Variants in DNAL4 observed in about 807,000 individuals in gnomAD.
DNAL4 encodes the protein dynein axonemal light chain 4, also known as dynein light chain, outer arm 4.
A neutral mutation model predicts 12.6 loss-of-function variants in DNAL4; 10 were observed. That is an observed-to-expected ratio of 0.79 (90% confidence interval 0.49 to 1.34). DNAL4 has a LOEUF of 1.34. Among genes scored for constraint, DNAL4 ranks in the 40% most tolerant of loss-of-function variants. DNAL4 has a pLI of 0.00. For missense variants in DNAL4, 128 were observed against 138.1 expected, an observed-to-expected ratio of 0.93 and a Z score of 0.37; for synonymous variants, 46 against 53.1, an observed-to-expected ratio of 0.87 and a Z score of 0.58.
In DNAL4 at chr22:38,779,308, G is replaced by T; in HGVS notation, c.*141C>A. ...GATGTCAAGTTCACACACTGGGCGT[G>T]GCTCAGGAAACTGGTACACAAAGAC... is the stretch of plus-strand genomic sequence containing the variant. On this transcript the variant is annotated 3_prime_UTR_variant, in exon 4 of 4. Coordinates refer to ENST00000216068, the MANE Select transcript of DNAL4 (RefSeq NM_005740.3). This position sits in a 1 kb window ranked among gnomAD's most constrained non-coding sequence, Gnocchi z 4.3. 2 of 1,123,328 alleles carry T rather than the reference G, an allele frequency of 1.8e-6. No individual in the cohort carries two copies. The highest frequency in any genetic ancestry group is 2.4e-6 in the Non-Finnish European group (2 of 818,916). 69.6% of individuals were successfully genotyped at this position (1,123,328 alleles called of 1,614,324 possible). A position where few individuals can be genotyped will look rare whatever the true frequency, so the allele number is the denominator to read the frequency against.
At chr22:38,780,057 C>T (rs1474847527) in intron 3 of DNAL4, among the ~76,000 whole-genome samples, 1 of 152,180 alleles carries the variant, frequency 6.6e-6, no homozygotes, top group Non-Finnish European at 1.5e-5. Flanking sequence ...TCTGGGGAGG[C>T]GCCGACTACT....
In DNAL4 at chr22:38,780,978, T is replaced by C; in HGVS notation, c.101A>G (p.Glu34Gly). Residue 34 changes from glutamate (E) to glycine (G), a missense_variant, in exon 3 of 4, where the codon GAG (glutamate) becomes GGG (glycine). By Grantham distance (98) the Glu-to-Gly change is moderately conservative (BLOSUM62 -2). Coordinates refer to ENST00000216068, the MANE Select transcript of DNAL4 (RefSeq NM_005740.3). ...GGCTGTGACACATAGCTCCATGGTC[T>C]CCACGCGCATCTCCTCTGGCATGTC... ...HSDMPEEMRV[E>G]TMELCVTACE... 1 of 1,614,176 alleles carries C rather than the reference T, an allele frequency of 6.2e-7. No homozygotes were observed. Among genetic ancestry groups the C allele is most frequent in the Non-Finnish European group, 8.5e-7 (1 of 1,180,010 alleles).
intron 1 of DNAL4, among the ~76,000 whole-genome samples, chr22:38,793,728 G>A (rs566070763): frequency 6.6e-6 from 1 of 152,206 alleles, no homozygotes; most frequent in Non-Finnish European, 1.5e-5. Context: ...GACCCCGCGG[G>A]AGAGGGAATT....
intron 1 of DNAL4, chr22:38,785,309 G>A (rs1217669876): frequency 6.6e-6 from 1 of 152,196 alleles, no homozygotes; most frequent in Non-Finnish European, 1.5e-5. Flanking sequence ...GAAGGAAAAG[G>A]GCACACAGTT....
intron 1 of DNAL4, among the ~76,000 whole-genome samples, chr22:38,783,957 A>G (rs1017699140): frequency 1.2e-4 from 17 of 140,886 alleles, no homozygotes; most frequent in African/African-American, 4.6e-4. Context: ...TTATCTCATA[A>G]TTCAAAGTTT....
At chr22:38,793,658 C>T (rs2093054310) in intron 1 of DNAL4, among the ~76,000 whole-genome samples, 1 of 152,144 alleles carries the variant, frequency 6.6e-6, no homozygotes, top group Admixed American at 6.5e-5. Flanking sequence ...AATGACCAGC[C>T]CAGAATCCCA....
At chr22:38,781,905 G>A (rs992175658) in intron 2 of DNAL4, among the ~76,000 whole-genome samples, 2 of 152,140 alleles carry the variant, frequency 1.3e-5, no homozygotes, top group South Asian at 2.1e-4. Context: ...CGGCCTCCTC[G>A]CTGGTCTCCC....
chr22:38,792,509 T>C (rs1035393969), intron 1 of DNAL4, among the ~76,000 whole-genome samples: 4 of 152,238 alleles, frequency 2.6e-5, no homozygotes, highest in African/African-American at 9.6e-5. Context: ...TCTCAAACTC[T>C]TGACCTCAGG....
rs1248886040 is a variant in DNAL4, at chr22:38,782,308, T to C, written c.69+355A>G. ...TGATCTGCAAAACCTCTCCAGAAGC[T>C]AACCTCTGCTCTCCAGCTCCTTCCA... is the stretch of plus-strand genomic sequence containing the variant. On this transcript the variant is annotated intron_variant, in intron 2 of 3. Coordinates refer to ENST00000216068, the MANE Select transcript of DNAL4 (RefSeq NM_005740.3). The surrounding 1 kb of genome is among the most constrained non-coding windows in gnomAD (Gnocchi z 5.1). 2.0e-5 allele frequency among the ~76,000 whole-genome samples: 3 copies of C among 152,250 alleles called. No individual in the cohort carries two copies. The highest frequency in any genetic ancestry group is 6.5e-5 in the Admixed American group (1 of 15,282).
At chr22:38,783,031 C>T (rs962040949) in intron 1 of DNAL4, among the ~76,000 whole-genome samples, 161 bp from the exon 2 acceptor site, 9 of 152,184 alleles carry the variant, frequency 5.9e-5, no homozygotes, top group African/African-American at 2.2e-4. Flanking sequence ...TGAGTCAACA[C>T]GAGATGCTGG....
At chr22:38,793,871 G>C (rs2093054702) in intron 1 of DNAL4, among the ~76,000 whole-genome samples, 197 bp downstream of exon 1, 1 of 151,306 alleles carries the variant, frequency 6.6e-6, no homozygotes. Context: ...AACCTGTCAC[G>C]ACAGAGCTCG....
At chr22:38,793,675 C>G (rs1446442227) in intron 1 of DNAL4, among the ~76,000 whole-genome samples, 1 of 152,158 alleles carries the variant, frequency 6.6e-6, no homozygotes, top group Non-Finnish European at 1.5e-5. Context: ...CCCAGTAAGT[C>G]GCCAACTCTC....
intron 1 of DNAL4, among the ~76,000 whole-genome samples, chr22:38,790,477 A>G (rs2093048900): frequency 6.6e-6 from 1 of 152,218 alleles, no homozygotes; most frequent in Non-Finnish European, 1.5e-5. Context: ...AGGGGAAACC[A>G]GGTGGCACAG....
intron 1 of DNAL4, among the ~76,000 whole-genome samples, chr22:38,786,464 C>T (rs2093042373): frequency 6.6e-6 from 1 of 152,166 alleles, no homozygotes; most frequent in South Asian, 2.1e-4. Flanking sequence ...GAGGCTGAGG[C>T]AGGAGAATGG....
chr22:38,793,756 G>A (rs2093054467), intron 1 of DNAL4, among the ~76,000 whole-genome samples: 1 of 152,202 alleles, frequency 6.6e-6, no homozygotes, highest in African/African-American at 2.4e-5. Context: ...GAAAGGTCGA[G>A]GGATCAAGGT....
chr22:38,782,370 G>A lies in DNAL4; in HGVS notation c.69+293C>T, dbSNP rs738144. On this transcript the variant is annotated intron_variant, in intron 2 of 3. Coordinates refer to ENST00000216068, the MANE Select transcript of DNAL4 (RefSeq NM_005740.3). This position sits in a 1 kb window ranked among gnomAD's most constrained non-coding sequence, Gnocchi z 5.1. The stretch of plus-strand genomic sequence containing the variant: ...TTTCATTATAGTACTTACTGCCTAC[G>A]ATCATGTTCTTAAAACATGTATTTC... Among the ~76,000 whole-genome samples the A allele has an allele frequency of 0.84, 127,529 of 152,228 alleles. 53,502 individuals carry two copies. The highest frequency in any genetic ancestry group is 0.89 in the East Asian group (4,616 of 5,188).
chr22:38,783,554 G>A (rs1391521648), intron 1 of DNAL4, among the ~76,000 whole-genome samples: 1 of 152,248 alleles, frequency 6.6e-6, no homozygotes, highest in Non-Finnish European at 1.5e-5. Flanking sequence ...TCAGGGGAAT[G>A]GGCACGGTGC....
intron 1 of DNAL4, 138 bp from the exon 2 acceptor site, chr22:38,783,008 G>A: frequency 5.9e-6 from 2 of 338,680 alleles, no homozygotes; most frequent in Non-Finnish European, 1.1e-5. Flanking sequence ...CAGCAAGTCT[G>A]CAGACGGCAG....
At chr22:38,781,844 T>C (rs1004876846) in intron 2 of DNAL4, among the ~76,000 whole-genome samples, 1 of 152,136 alleles carries the variant, frequency 6.6e-6, no homozygotes, top group African/African-American at 2.4e-5. Flanking sequence ...CATCTCGCAC[T>C]CTACTCCGTG....
Sources: gnomAD v4.1 joint callset for allele counts (sites outside exome capture counted in the v4.1 genomes callset) on GRCh38, gnomAD v4.1.1 for gene constraint, Gnocchi (gnomAD v3.1) non-coding constraint, MANE v1.5 for transcripts, NCBI Gene and HGNC (gene_info 2026-07-23, HGNC 2026-07-21) for gene names.